The following RBM48 variants were observed in gnomAD, a reference collection of about 807,000 sequenced individuals.
RBM48 encodes the protein RNA-binding protein 48.
In RBM48, 32 loss-of-function variants were observed where a neutral mutation model predicts 34.8. The ratio of observed to expected loss-of-function variants is 0.92; its 90% CI spans 0.69 to 1.23. The LOEUF (loss-of-function observed/expected upper bound fraction) is 1.23. Ranked by LOEUF, RBM48 falls within the 50% of genes most tolerant of loss-of-function variation. RBM48 has a pLI of 0.00. For synonymous variants in RBM48, 151 were observed against 156.2 expected (o/e 0.97, Z 0.25); for missense variants, 441 against 447.2 (o/e 0.99, Z 0.12).
At chr7:92,532,038 A>G (rs1186780862) in intron 2 of RBM48, among the ~76,000 whole-genome samples, 4 of 152,218 alleles carry the variant, frequency 2.6e-5, no homozygotes, top group Non-Finnish European at 5.9e-5. Context: ...ATCCCATCAC[A>G]GAAATACATA....
At chr7:92,529,432 G>A in intron 1 of RBM48, 44 bp from the exon 2 acceptor site, 1 of 1,227,026 alleles carries the variant, frequency 8.1e-7, no homozygotes, top group Non-Finnish European at 1.2e-6. Context: ...ATTCGTCCTA[G>A]GCTTATTTGC....
intron 4 of RBM48, chr7:92,536,363 T>C (rs1360005590): frequency 1.0e-6 from 1 of 982,706 alleles, no homozygotes; most frequent in African/African-American, 1.7e-5. Context: ...ACTCTTACTT[T>C]GCTTTGACTT....
chr7:92,528,950 TCTC>T lies in RBM48; in HGVS notation c.111+30_111+32del, dbSNP rs765714134. The T allele has an allele frequency of 3.9e-6, 6 of 1,537,714 alleles. No individual in the cohort carries two copies. The South Asian group carries it at 4.5e-5, about 12-fold the overall frequency. On this transcript the variant is annotated intron_variant, in intron 1 of 4. Coordinates refer to ENST00000265732, the MANE Select transcript of RBM48 (RefSeq NM_032120.4). Reference sequence around the variant, plus strand: ...GTAAAGTGATTTTGGTTTCATTCGCTCTCCTCGGTAGCTTTATGTGAGTGCTAG... The same window carrying T: ...GTAAAGTGATTTTGGTTTCATTCGCTCTCGGTAGCTTTATGTGAGTGCTAG...
At position 92,538,371 on chromosome 7, in the gene RBM48, G is replaced by A. The variant is rs977534588; in HGVS notation, c.*1434G>A. Among the ~76,000 whole-genome samples, 1 of 152,162 alleles carries A rather than the reference G, an allele frequency of 6.6e-6. No homozygotes were observed. Among genetic ancestry groups the A allele is most frequent in the Non-Finnish European group, 1.5e-5 (1 of 68,028 alleles). On this transcript the variant is annotated 3_prime_UTR_variant, in exon 5 of 5. Coordinates refer to ENST00000265732, the MANE Select transcript of RBM48 (RefSeq NM_032120.4). Reference sequence around the variant, plus strand: ...TTTAACCTCAGGCCTGGTCAGTGGCGTCGGTTGGTTTTGCCACTGGCTCCA... The same window carrying A: ...TTTAACCTCAGGCCTGGTCAGTGGCATCGGTTGGTTTTGCCACTGGCTCCA...
intron 3 of RBM48, 27 bp from the exon 4 acceptor site, chr7:92,534,375 C>G: frequency 6.3e-7 from 1 of 1,586,510 alleles, no homozygotes; most frequent in Non-Finnish European, 8.6e-7. Context: ...TTTCCCTTTC[C>G]CTCAACTTTT....
Position 92,539,431 on chromosome 7 carries a change from G to C in RBM48, c.*2494G>C, listed in dbSNP as rs541688906. 8.7e-4 allele frequency among the ~76,000 whole-genome samples: 132 copies of C among 152,352 alleles called. No individual in the cohort carries two copies. Among genetic ancestry groups the C allele is most frequent in the African/African-American group, 3.1e-3 (127 of 41,592 alleles). On this transcript the variant is annotated 3_prime_UTR_variant, in exon 5 of 5. Coordinates refer to ENST00000265732, the MANE Select transcript of RBM48 (RefSeq NM_032120.4). ...CATATAGGTTATTATTTTGGGCACA[G>C]TGGCTCATGCCTATAATCCCAGCAC...
chr7:92,532,217 T>G (rs1463472436), intron 2 of RBM48, among the ~76,000 whole-genome samples, 187 bp from the exon 3 acceptor site: 1 of 152,090 alleles, frequency 6.6e-6, no homozygotes, highest in African/African-American at 2.4e-5. Flanking sequence ...GCTCTACGAG[T>G]ACATACTCGA....
At chr7:92,534,043 T>C (rs1309994864) in intron 3 of RBM48, among the ~76,000 whole-genome samples, 1 of 146,938 alleles carries the variant, frequency 6.8e-6, no homozygotes, top group East Asian at 2.0e-4. Flanking sequence ...AAATGGAAAA[T>C]GCAGAGGTGC....
intron 2 of RBM48, among the ~76,000 whole-genome samples, chr7:92,532,010 C>G (rs1793587367): frequency 2.6e-5 from 4 of 152,114 alleles, no homozygotes; most frequent in Admixed American, 2.6e-4. Flanking sequence ...TATCTTTCAT[C>G]TGATTTTTAA....
chr7:92,535,494 G>A (rs1793687864), intron 4 of RBM48: 5 of 989,102 alleles, frequency 5.1e-6, no homozygotes, highest in Non-Finnish European at 4.8e-6. Context: ...ATCAGATTGT[G>A]CTGCCTAGGT....
At position 92,538,373 on chromosome 7, in the gene RBM48, C is replaced by T. The variant is rs973580907; in HGVS notation, c.*1436C>T. ...TAACCTCAGGCCTGGTCAGTGGCGT[C>T]GGTTGGTTTTGCCACTGGCTCCATT... is the stretch of plus-strand genomic sequence containing the variant. On this transcript the variant is annotated 3_prime_UTR_variant, in exon 5 of 5. Coordinates refer to ENST00000265732, the MANE Select transcript of RBM48 (RefSeq NM_032120.4). 1.3e-5 allele frequency among the ~76,000 whole-genome samples: 2 copies of T among 152,088 alleles called. No homozygotes were observed. The highest frequency in any genetic ancestry group is 2.4e-5 in the African/African-American group (1 of 41,412).
chr7:92,528,977 A>G, intron 1 of RBM48, 53 bp downstream of exon 1: 2 of 1,281,772 alleles, frequency 1.6e-6, no homozygotes, highest in Middle Eastern at 1.8e-4. Flanking sequence ...TGTGAGTGCT[A>G]GCGCCATATG....
chr7:92,534,461 C>T lies in RBM48; in HGVS notation c.508C>T (p.Gln170Ter), dbSNP rs746319140. The change falls in exon 4 of 5, where the codon CAA becomes TAA. Residue 170 changes from glutamine to a stop codon, truncating the protein, a stop_gained. Coordinates refer to ENST00000265732, the MANE Select transcript of RBM48 (RefSeq NM_032120.4). LOFTEE classifies it high-confidence loss of function. ...TEHKDTEDFR[Q>*]DFHSEMSGFC... ...GCATAAAGACACAGAGGATTTTAGACAAGACTTCCACTCAGAGATGTCTGG... is the reference window on the plus strand; with the variant it reads ...GCATAAAGACACAGAGGATTTTAGATAAGACTTCCACTCAGAGATGTCTGG... 1 of 1,613,962 alleles carries T rather than the reference C, an allele frequency of 6.2e-7. No homozygotes were observed. Among genetic ancestry groups the T allele is most frequent in the South Asian group, 1.1e-5 (1 of 91,072 alleles).
intron 3 of RBM48, among the ~76,000 whole-genome samples, chr7:92,533,689 CTTA>C (rs1434500292): frequency 2.6e-5 from 4 of 152,310 alleles, no homozygotes; most frequent in East Asian, 1.9e-4. Flanking sequence ...TTCAAAAACT[CTTA>C]TTATGGAAAT....
At chr7:92,533,981 A>C (rs888585722) in intron 3 of RBM48, among the ~76,000 whole-genome samples, 1 of 151,968 alleles carries the variant, frequency 6.6e-6, no homozygotes, top group Non-Finnish European at 1.5e-5. Flanking sequence ...AAAAAAAAAA[A>C]AAAAAAAACC....
At chr7:92,531,914 A>C (rs1424180148) in intron 2 of RBM48, among the ~76,000 whole-genome samples, 1 of 152,220 alleles carries the variant, frequency 6.6e-6, no homozygotes, top group Non-Finnish European at 1.5e-5. Flanking sequence ...TTTAGTAAGT[A>C]TTTATTGACT....
At position 92,529,677 on chromosome 7, in the gene RBM48, A is replaced by G. The variant is rs945058210; in HGVS notation, c.302+11A>G. The stretch of plus-strand genomic sequence containing the variant: ...CTTACAAAGTGCAAGGTAATGTGCA[A>G]GTTAAGAAATGACTCATTTCCTCAT... On this transcript the variant is annotated intron_variant, in intron 2 of 4. Transcript: ENST00000265732. 2 of 1,476,514 alleles carry G rather than the reference A, an allele frequency of 1.4e-6. No homozygotes were observed. Among genetic ancestry groups the G allele is most frequent in the Non-Finnish European group, 1.8e-6 (2 of 1,084,640 alleles). The allele number at this position is 1,476,514 out of a possible 1,614,324, so 91.5% of individuals were successfully genotyped here. A position where few individuals can be genotyped will look rare whatever the true frequency, so the allele number is the denominator to read the frequency against.
chr7:92,536,224 A>G, intron 4 of RBM48: 1 of 984,708 alleles, frequency 1.0e-6, no homozygotes, highest in African/African-American at 1.7e-5. Context: ...ACCTGTCTCA[A>G]CCAGAGCTGA....
rs775903082 is a variant in RBM48, at chr7:92,538,276, C to T, written c.*1339C>T. Among the ~76,000 whole-genome samples the T allele has an allele frequency of 1.3e-5, 2 of 152,128 alleles. No individual in the cohort carries two copies. Among genetic ancestry groups the T allele is most frequent in the South Asian group, 2.1e-4 (1 of 4,812 alleles). ...GGGCTTACAACTGTAAGAGGGTCTG[C>T]GTGAAAGGGTTGTGATAGACGGAGC... On this transcript the variant is annotated 3_prime_UTR_variant, in exon 5 of 5. Transcript: ENST00000265732.
Sources: allele counts gnomAD v4.1 joint callset (sites outside exome capture counted in the v4.1 genomes callset), GRCh38; gene constraint gnomAD v4.1.1; transcripts MANE v1.5; gene names NCBI Gene and HGNC (gene_info 2026-07-23, HGNC 2026-07-21).